The following SPOCK1 variants were observed in gnomAD, a reference collection of about 807,000 sequenced individuals.
The protein encoded by SPOCK1 is SPARC (osteonectin), cwcv and kazal like domains proteoglycan 1.
A neutral mutation model predicts 55.3 loss-of-function variants in SPOCK1; 23 were observed. That is an observed-to-expected ratio of 0.42 (90% confidence interval 0.30 to 0.59). The LOEUF is 0.59. Ranked by LOEUF, SPOCK1 falls within the 20% of genes least tolerant of loss-of-function variation. The probability of loss-of-function intolerance (pLI) is 0.22; values close to 1 mark genes in which losing one functional copy is unlikely to be tolerated. For synonymous variants in SPOCK1, 226 were observed against 221.0 expected (o/e 1.02, Z -0.20); for missense variants, 499 against 552.5 (o/e 0.90, Z 0.97).
chr5:137,490,043 A>G (rs1754141988), intron 2 of SPOCK1, among the ~76,000 whole-genome samples: 1 of 152,268 alleles, frequency 6.6e-6, no homozygotes, highest in African/African-American at 2.4e-5. Flanking sequence ...TAGACCATAA[A>G]TGCCAGGAAG....
At chr5:137,089,946 G>A (rs918725457) in intron 5 of SPOCK1, among the ~76,000 whole-genome samples, 1 of 152,188 alleles carries the variant, frequency 6.6e-6, no homozygotes, top group African/African-American at 2.4e-5. Context: ...GAAGGCCACA[G>A]AGGCCACTGG....
At chr5:137,396,977 T>A (rs1196471046) in intron 2 of SPOCK1, among the ~76,000 whole-genome samples, 1 of 152,158 alleles carries the variant, frequency 6.6e-6, no homozygotes, top group South Asian at 2.1e-4. Context: ...TTTGCAACCA[T>A]CAACACCTGT....
chr5:137,003,954 T>A (rs1751195322), intron 6 of SPOCK1, among the ~76,000 whole-genome samples: 1 of 152,058 alleles, frequency 6.6e-6, no homozygotes. Flanking sequence ...ATGGGGAGGA[T>A]CAGGCATAGA....
intron 3 of SPOCK1, among the ~76,000 whole-genome samples, chr5:137,248,697 T>A (rs1756449919): frequency 6.6e-6 from 1 of 152,218 alleles, no homozygotes; most frequent in South Asian, 2.1e-4. Flanking sequence ...ATAGTCCCAG[T>A]CTTACATGTT....
At chr5:137,224,213 A>G (rs996729308) in intron 3 of SPOCK1, among the ~76,000 whole-genome samples, 2 of 152,252 alleles carry the variant, frequency 1.3e-5, no homozygotes, top group Non-Finnish European at 1.5e-5. Flanking sequence ...TTAATATATT[A>G]TTGGAACTTG....
rs1305496685 is a variant in SPOCK1 at position 137,363,608 on chromosome 5, C to A, written c.187-96553G>T. On this transcript the variant is annotated intron_variant, in intron 2 of 10. Coordinates refer to ENST00000394945, the MANE Select transcript of SPOCK1 (RefSeq NM_004598.4). ...TACAAAAGTTAAGAATCCTTACTGT[C>A]CTAGAGCTGTCAGGAGACAATGTAG... 5.9e-5 allele frequency among the ~76,000 whole-genome samples: 9 copies of A among 152,316 alleles called. No individual in the cohort carries two copies. In the East Asian group the frequency reaches 1.7e-3, roughly 29 times the overall value.
At chr5:137,089,052 G>A (rs1386522668) in intron 5 of SPOCK1, among the ~76,000 whole-genome samples, 1 of 152,152 alleles carries the variant, frequency 6.6e-6, no homozygotes, top group Non-Finnish European at 1.5e-5. Context: ...TATTGCAAGG[G>A]GGCTGAGCAG....
chr5:137,472,222 G>T (rs776570016), intron 2 of SPOCK1, among the ~76,000 whole-genome samples: 1 of 152,088 alleles, frequency 6.6e-6, no homozygotes, highest in Admixed American at 6.6e-5. Flanking sequence ...TTTAGTCTGC[G>T]GCTGCAATTC....
chr5:137,132,295 G>C (rs903995064), intron 4 of SPOCK1, among the ~76,000 whole-genome samples: 2 of 151,640 alleles, frequency 1.3e-5, no homozygotes, highest in African/African-American at 4.9e-5. Context: ...TCAATGTTTA[G>C]GGAGAGATGT....
chr5:137,014,447 A>T (rs1751411755), intron 6 of SPOCK1, among the ~76,000 whole-genome samples: 1 of 152,212 alleles, frequency 6.6e-6, no homozygotes, highest in Non-Finnish European at 1.5e-5. Context: ...GGTGTGGTCT[A>T]AAGACATTCA....
intron 2 of SPOCK1, among the ~76,000 whole-genome samples, chr5:137,381,064 G>A (rs1477709948): frequency 6.6e-6 from 1 of 151,978 alleles, no homozygotes; most frequent in Admixed American, 6.5e-5. Context: ...CATTCCAAAT[G>A]GGAGAAATTG....
intron 2 of SPOCK1, among the ~76,000 whole-genome samples, chr5:137,389,860 A>G (rs1751678239): frequency 6.6e-6 from 1 of 152,166 alleles, no homozygotes; most frequent in Admixed American, 6.5e-5. Flanking sequence ...TATGGGGAAA[A>G]TCCTAGGCTA....
chr5:137,129,737 G>T (rs1753839602), intron 4 of SPOCK1, among the ~76,000 whole-genome samples: 1 of 152,182 alleles, frequency 6.6e-6, no homozygotes, highest in Admixed American at 6.5e-5. Context: ...ATCTATAGGA[G>T]CAATAGATAG....
chr5:137,183,333 A>T (rs1320783485), intron 3 of SPOCK1, among the ~76,000 whole-genome samples: 1 of 152,164 alleles, frequency 6.6e-6, no homozygotes, highest in Non-Finnish European at 1.5e-5. Context: ...AAAAGTCAGG[A>T]AAAAAGTCTA....
intron 3 of SPOCK1, among the ~76,000 whole-genome samples, chr5:137,260,681 G>A (rs1007791715): frequency 2.0e-5 from 3 of 152,200 alleles, no homozygotes; most frequent in Non-Finnish European, 4.4e-5. Flanking sequence ...CATTCAATTT[G>A]ATCAAACATC....
intron 4 of SPOCK1, among the ~76,000 whole-genome samples, chr5:137,130,879 G>A (rs1753862324): frequency 6.6e-6 from 1 of 152,224 alleles, no homozygotes; most frequent in African/African-American, 2.4e-5. Context: ...TTGGAAAGGT[G>A]CCAAGGTCCC....
chr5:136,995,794 T>TC (rs1161183109), intron 6 of SPOCK1, among the ~76,000 whole-genome samples: 1 of 152,288 alleles, frequency 6.6e-6, no homozygotes, highest in Admixed American at 6.5e-5. Flanking sequence ...GGATGTCTGA[T>TC]CGGATCAGGC....
intron 3 of SPOCK1, among the ~76,000 whole-genome samples, chr5:137,235,282 G>A (rs2127096498): frequency 6.6e-6 from 1 of 152,382 alleles, no homozygotes; most frequent in South Asian, 2.1e-4. Flanking sequence ...TTCAGAGGGA[G>A]TGTGTCACCT....
At chr5:137,490,778 T>C (rs1754160382) in intron 2 of SPOCK1, among the ~76,000 whole-genome samples, 1 of 152,094 alleles carries the variant, frequency 6.6e-6, no homozygotes. Context: ...CCAGCAAGAA[T>C]ATAAAATATG....
Sources: allele counts gnomAD v4.1 joint callset (sites outside exome capture counted in the v4.1 genomes callset), GRCh38; gene constraint gnomAD v4.1.1; transcripts MANE v1.5; gene names NCBI Gene and HGNC (gene_info 2026-07-23, HGNC 2026-07-21).